The following STXBP5L variants were observed in gnomAD, a reference collection of about 807,000 sequenced individuals.
STXBP5L encodes syntaxin binding protein 5L, also known as syntaxin-binding protein 5-like.
In STXBP5L, 65 loss-of-function variants were observed where a neutral mutation model predicts 144.5. The observed-to-expected ratio is 0.45, with a 90% CI of 0.37 to 0.55. The LOEUF (loss-of-function observed/expected upper bound fraction) is 0.55, where lower values mean the gene tolerates loss of function less well. Among genes scored for constraint, STXBP5L ranks in the 20% least tolerant of loss-of-function variants. STXBP5L has a pLI of 0.00. For synonymous variants in STXBP5L, 505 were observed against 469.6 expected (o/e 1.08, Z -0.97); for missense variants, 1,298 against 1,405.5 (o/e 0.92, Z 1.22).
intron 9 of STXBP5L, among the ~76,000 whole-genome samples, chr3:121,203,829 C>T (rs779723407): frequency 2.6e-5 from 4 of 152,138 alleles, no homozygotes; most frequent in Non-Finnish European, 2.9e-5. Flanking sequence ...ATGGAAAAGA[C>T]ATATAAACTA....
chr3:120,976,021 C>T (rs1441893796), intron 3 of STXBP5L, among the ~76,000 whole-genome samples: 6 of 151,974 alleles, frequency 3.9e-5, no homozygotes, highest in Admixed American at 1.3e-4. Context: ...TTTGTTGTGT[C>T]TCTGTCAGGC....
intron 22 of STXBP5L, among the ~76,000 whole-genome samples, chr3:121,384,339 T>C (rs1467332266): frequency 6.6e-6 from 1 of 151,864 alleles, no homozygotes; most frequent in African/African-American, 2.4e-5. Flanking sequence ...TTGGACAAGT[T>C]TGGGAGGAAG....
intron 20 of STXBP5L, chr3:121,357,043 G>T: frequency 5.0e-6 from 1 of 200,496 alleles, no homozygotes; most frequent in South Asian, 9.9e-5. Flanking sequence ...GCCTGGAACA[G>T]GGATCATACC....
At chr3:121,012,720 T>G (rs1167996280) in intron 3 of STXBP5L, among the ~76,000 whole-genome samples, 1 of 151,864 alleles carries the variant, frequency 6.6e-6, no homozygotes, top group Admixed American at 6.6e-5. Flanking sequence ...TACATGTGCA[T>G]GTGCAGGTTT....
At chr3:121,401,260 A>G (rs1286072295) in intron 22 of STXBP5L, among the ~76,000 whole-genome samples, 1 of 152,108 alleles carries the variant, frequency 6.6e-6, no homozygotes, top group Non-Finnish European at 1.5e-5. Context: ...TCTGTAGGGC[A>G]CCACGATTGC....
chr3:121,318,582 G>C, intron 20 of STXBP5L, 42 bp downstream of exon 20: 1 of 1,294,146 alleles, frequency 7.7e-7, no homozygotes, highest in Non-Finnish European at 1.0e-6. Flanking sequence ...GTAATTCACT[G>C]CAGTAATCTG....
chr3:121,246,213 A>G (rs1381091321), intron 14 of STXBP5L, among the ~76,000 whole-genome samples: 1 of 152,214 alleles, frequency 6.6e-6, no homozygotes, highest in East Asian at 1.9e-4. Flanking sequence ...TGTGAACTGC[A>G]CATGCAAGAG....
chr3:121,368,469 G>A (rs950660854), intron 20 of STXBP5L, among the ~76,000 whole-genome samples: 2 of 151,228 alleles, frequency 1.3e-5, no homozygotes, highest in East Asian at 3.9e-4. Flanking sequence ...CTACCCTCAG[G>A]ACTTTTTCAG....
At chr3:121,157,779 A>G (rs1360229166) in intron 9 of STXBP5L, 152 bp downstream of exon 9, 3 of 999,302 alleles carry the variant, frequency 3.0e-6, no homozygotes, top group Admixed American at 3.8e-5. Context: ...ACAGATCCCA[A>G]CATTGTACCC....
In STXBP5L at chr3:121,393,190, C is replaced by T. The variant is rs1268365413; in HGVS notation, c.2587+11658C>T. ...TTCTCTCATGACTAATGATGTTGAA[C>T]ATTTTTTTTTTTCGTTTCTTGGCCA... On this transcript the variant is annotated intron_variant, in intron 22 of 26. Transcript: ENST00000471454. Among the ~76,000 whole-genome samples the T allele has an allele frequency of 4.5e-5, 5 of 111,188 alleles. No individual in the cohort carries two copies. In the East Asian group the frequency reaches 1.3e-3, roughly 28 times the overall value. 72.9% of individuals were successfully genotyped at this position (111,188 alleles called of 152,430 possible).
At chr3:120,978,458 C>T (rs897956533) in intron 3 of STXBP5L, among the ~76,000 whole-genome samples, 1 of 152,096 alleles carries the variant, frequency 6.6e-6, no homozygotes, top group East Asian at 1.9e-4. Flanking sequence ...AAATTTTTTT[C>T]AAGGTTTTTA....
At chr3:121,392,803 A>C (rs1017546631) in intron 22 of STXBP5L, among the ~76,000 whole-genome samples, 22 of 114,852 alleles carry the variant, frequency 1.9e-4, no homozygotes, top group African/African-American at 6.1e-4. Context: ...ATATATATAT[A>C]TATATCACAT....
chr3:120,983,730 A>AG (rs1161878814), intron 3 of STXBP5L, among the ~76,000 whole-genome samples: 2 of 152,064 alleles, frequency 1.3e-5, no homozygotes, highest in Non-Finnish European at 2.9e-5. Flanking sequence ...TCCCCACATC[A>AG]GGGAGCTTCT....
At chr3:121,352,123 C>G (rs1009214289) in intron 20 of STXBP5L, among the ~76,000 whole-genome samples, 3 of 152,076 alleles carry the variant, frequency 2.0e-5, no homozygotes, top group Non-Finnish European at 4.4e-5. Flanking sequence ...AGCATGATGC[C>G]TCCAGCTTTG....
chr3:121,129,707 T>C (rs770784456), intron 7 of STXBP5L, among the ~76,000 whole-genome samples: 1 of 152,082 alleles, frequency 6.6e-6, no homozygotes, highest in Non-Finnish European at 1.5e-5. Context: ...ATAATATAAT[T>C]CTCAGTAATC....
intron 20 of STXBP5L, among the ~76,000 whole-genome samples, chr3:121,336,248 A>G (rs6438616): frequency 0.99 from 151,066 of 152,346 alleles, 74,907 homozygotes; most frequent in East Asian, 1. Context: ...TGTAGTCTCA[A>G]CAGTTTGGGA....
intron 5 of STXBP5L, among the ~76,000 whole-genome samples, chr3:121,050,516 T>G (rs1440908713): frequency 6.6e-6 from 1 of 151,946 alleles, no homozygotes; most frequent in Non-Finnish European, 1.5e-5. Context: ...ATAAAATACT[T>G]TACAGACAAG....
chr3:121,149,442 C>T (rs1052050399), intron 7 of STXBP5L, among the ~76,000 whole-genome samples: 1 of 152,014 alleles, frequency 6.6e-6, no homozygotes, highest in Admixed American at 6.6e-5. Flanking sequence ...GATGCTTAGC[C>T]TCTCTACTAT....
At chr3:121,014,722 A>G (rs1945022658) in intron 3 of STXBP5L, among the ~76,000 whole-genome samples, 1 of 152,048 alleles carries the variant, frequency 6.6e-6, no homozygotes, top group Non-Finnish European at 1.5e-5. Flanking sequence ...GTTTCAGTAG[A>G]TTCATATTCT....
Sources: allele counts gnomAD v4.1 joint callset (sites outside exome capture counted in the v4.1 genomes callset), GRCh38; gene constraint gnomAD v4.1.1; transcripts MANE v1.5; gene names NCBI Gene and HGNC (gene_info 2026-07-23, HGNC 2026-07-21).